Variants in CSMD1 observed in about 807,000 individuals in gnomAD.
CSMD1 encodes CUB and sushi domain-containing protein 1.
CSMD1 carries 213 observed loss-of-function variants against 417.5 expected under a neutral mutation model. That is an observed-to-expected ratio of 0.51 (90% CI 0.46 to 0.57). The LOEUF is 0.57. Ranked by LOEUF, CSMD1 falls within the 20% of genes least tolerant of loss-of-function variation. CSMD1 has a pLI of 0.00. For missense variants in CSMD1, 6,923 were observed against 4,529.7 expected, an observed-to-expected ratio of 1.53 and a Z score of -15.17; for synonymous variants, 2,862 against 1,736.8, an observed-to-expected ratio of 1.65 and a Z score of -16.11.
chr8:4,081,029 C>T (rs1048516786), intron 3 of CSMD1, among the ~76,000 whole-genome samples: 23 of 152,178 alleles, frequency 1.5e-4, no homozygotes, highest in Middle Eastern at 3.4e-3. Context: ...CTCCCTTGTG[C>T]CATGGAGGGA....
intron 49 of CSMD1, among the ~76,000 whole-genome samples, chr8:3,059,114 C>T (rs376373486): frequency 6.6e-6 from 1 of 151,866 alleles, no homozygotes; most frequent in African/African-American, 2.4e-5. Context: ...ATAGGAGACG[C>T]TGCAAGTGCA....
intron 3 of CSMD1, among the ~76,000 whole-genome samples, chr8:4,035,624 T>A (rs1040672341): frequency 6.6e-6 from 1 of 152,180 alleles, no homozygotes; most frequent in Non-Finnish European, 1.5e-5. Context: ...AGTAAGAACA[T>A]ATAAAGAAAT....
intron 2 of CSMD1, among the ~76,000 whole-genome samples, chr8:4,561,879 C>G (rs1563288355): frequency 6.6e-6 from 1 of 152,126 alleles, no homozygotes; most frequent in Non-Finnish European, 1.5e-5. Context: ...CCACACAGCG[C>G]ATATGTCATG....
intron 2 of CSMD1, among the ~76,000 whole-genome samples, chr8:4,601,889 G>A (rs138136714): frequency 2.4e-4 from 36 of 152,274 alleles, no homozygotes; most frequent in African/African-American, 8.4e-4. Flanking sequence ...GGCACAGCCT[G>A]GAACCGTCTA....
At chr8:3,907,381 C>A (rs903112784) in intron 5 of CSMD1, among the ~76,000 whole-genome samples, 4 of 152,110 alleles carry the variant, frequency 2.6e-5, no homozygotes, top group African/African-American at 9.7e-5. Flanking sequence ...TGGGAATTAT[C>A]TAAATGGGGT....
chr8:4,860,694 C>G (rs1385125619), intron 1 of CSMD1, among the ~76,000 whole-genome samples: 5 of 152,136 alleles, frequency 3.3e-5, no homozygotes, highest in Admixed American at 2.0e-4. Context: ...GTTCCTCATT[C>G]ACTCTGGAAT....
chr8:3,126,671 A>G (rs1224307838), intron 41 of CSMD1, among the ~76,000 whole-genome samples: 2 of 152,274 alleles, frequency 1.3e-5, no homozygotes, highest in East Asian at 1.9e-4. Flanking sequence ...ATAACCAAGG[A>G]TATCACCCTG....
chr8:4,420,671 C>G (rs948431135), intron 2 of CSMD1, among the ~76,000 whole-genome samples: 2 of 152,060 alleles, frequency 1.3e-5, no homozygotes, highest in East Asian at 1.9e-4. Context: ...CCAAGCTGTG[C>G]TCTTAGGAAA....
chr8:4,178,339 A>G (rs1288539992), intron 3 of CSMD1, among the ~76,000 whole-genome samples: 4 of 151,426 alleles, frequency 2.6e-5, no homozygotes, highest in African/African-American at 7.3e-5. Context: ...CCACATGATT[A>G]TCTCAATAGA....
Position 4,266,531 on chromosome 8 carries a change from T to G in CSMD1, c.415+153422A>C, listed in dbSNP as rs112041382. On this transcript the variant is annotated intron_variant, in intron 3 of 69. Coordinates refer to ENST00000635120, the MANE Select transcript of CSMD1 (RefSeq NM_033225.6). ...AATTTTAAAAAGTAGAACAATTTCA[T>G]ACTCATGCCTCATATCCTTCCTTCA... is the stretch of plus-strand genomic sequence containing the variant. 1.9e-5 allele frequency among the ~76,000 whole-genome samples: 2 copies of G among 104,928 alleles called. 1 individual carries two copies. Among genetic ancestry groups the G allele is most frequent in the Non-Finnish European group, 5.1e-5 (2 of 39,000 alleles). 68.8% of individuals were successfully genotyped at this position (104,928 alleles called of 152,430 possible). A position where few individuals can be genotyped will look rare whatever the true frequency, so the allele number is the denominator to read the frequency against.
chr8:4,536,477 A>G (rs1797108268), intron 2 of CSMD1, among the ~76,000 whole-genome samples: 1 of 152,090 alleles, frequency 6.6e-6, no homozygotes, highest in African/African-American at 2.4e-5. Context: ...TCCTTCTTGT[A>G]CTTTCTCTAC....
intron 2 of CSMD1, among the ~76,000 whole-genome samples, chr8:4,433,457 G>C (rs572923446): frequency 6.6e-6 from 1 of 152,128 alleles, no homozygotes; most frequent in Non-Finnish European, 1.5e-5. Context: ...TTCCCTGCGA[G>C]GTCAACGCAC....
chr8:3,910,237 G>C (rs1452297764), intron 5 of CSMD1, among the ~76,000 whole-genome samples: 3 of 152,098 alleles, frequency 2.0e-5, no homozygotes, highest in Non-Finnish European at 2.9e-5. Flanking sequence ...TTGTGGGGTG[G>C]GGAGGAAAAT....
intron 48 of CSMD1, 67 bp from the exon 49 acceptor site, chr8:3,087,352 T>C: frequency 1.4e-6 from 2 of 1,479,514 alleles, no homozygotes; most frequent in South Asian, 1.2e-5. Flanking sequence ...CCATTGCCTT[T>C]GTGAGAGTCT....
At chr8:3,425,151 C>T (rs1813751290) in intron 12 of CSMD1, among the ~76,000 whole-genome samples, 1 of 152,158 alleles carries the variant, frequency 6.6e-6, no homozygotes, top group Non-Finnish European at 1.5e-5. Flanking sequence ...TTGTGAATCT[C>T]TTACTGTGTC....
intron 20 of CSMD1, among the ~76,000 whole-genome samples, chr8:3,360,958 C>T (rs541908147): frequency 1.3e-5 from 2 of 152,060 alleles, no homozygotes; most frequent in South Asian, 4.2e-4. Context: ...TACCTAAACA[C>T]TTCCTTCATC....
rs118074158 is a variant in CSMD1 at position 4,378,046 on chromosome 8, T to C, written c.415+41907A>G. ...ATTCCCTCTAATATACAGGTAAGTGTAACACCCACTACTCATTCAATTACA... is the reference window on the plus strand; with the variant it reads ...ATTCCCTCTAATATACAGGTAAGTGCAACACCCACTACTCATTCAATTACA... On this transcript the variant is annotated intron_variant, in intron 3 of 69. Transcript: ENST00000635120. Among the ~76,000 whole-genome samples the C allele has an allele frequency of 3.5e-3, 539 of 152,308 alleles. 22 individuals are homozygous for C. In the East Asian group the frequency reaches 0.077, roughly 22 times the overall value.
At chr8:3,616,277 TAGTG>T (rs1166199244) in intron 8 of CSMD1, among the ~76,000 whole-genome samples, 2 of 152,162 alleles carry the variant, frequency 1.3e-5, no homozygotes, top group Non-Finnish European at 2.9e-5. Context: ...GTTCTCATGT[TAGTG>T]AGTGAGTTCT....
intron 1 of CSMD1, among the ~76,000 whole-genome samples, chr8:4,845,904 A>C (rs1432130053): frequency 6.6e-6 from 1 of 152,236 alleles, no homozygotes; most frequent in African/African-American, 2.4e-5. Flanking sequence ...AACTAAAATG[A>C]CAAGGTTACG....
Sources: allele counts gnomAD v4.1 joint callset (sites outside exome capture counted in the v4.1 genomes callset), GRCh38; gene constraint gnomAD v4.1.1; transcripts MANE v1.5; gene names NCBI Gene and HGNC (gene_info 2026-07-23, HGNC 2026-07-21).